CWH43: variants seen among roughly 807,000 people sequenced by gnomAD.
CWH43 encodes PGAP2-interacting protein.
CWH43 carries 91 observed loss-of-function variants against 85.7 expected under a neutral mutation model. The ratio of observed to expected loss-of-function variants is 1.06; its 90% CI spans 0.90 to 1.26. CWH43 has a LOEUF of 1.26. Among genes scored for constraint, CWH43 ranks in the 50% most tolerant of loss-of-function variants. CWH43 has a pLI of 0.00. For missense variants in CWH43, 869 were observed against 839.2 expected (o/e 1.04, Z -0.44); for synonymous variants, 323 against 293.6 (o/e 1.10, Z -1.02).
intron 8 of CWH43, among the ~76,000 whole-genome samples, chr4:49,007,972 T>C (rs955908385): frequency 1.6e-4 from 24 of 152,198 alleles, no homozygotes; most frequent in Admixed American, 5.2e-4. Flanking sequence ...TTTATAATCC[T>C]TTGGGTACAT....
chr4:49,058,930 T>A (rs2109852469), intron 15 of CWH43, among the ~76,000 whole-genome samples: 1 of 152,332 alleles, frequency 6.6e-6, no homozygotes, highest in South Asian at 2.1e-4. Flanking sequence ...TTGATTATAA[T>A]GTGTCTTGGT....
At chr4:49,033,939 G>T (rs1356808698) in intron 12 of CWH43, among the ~76,000 whole-genome samples, 2 of 152,134 alleles carry the variant, frequency 1.3e-5, no homozygotes, top group Non-Finnish European at 2.9e-5. Context: ...AAACAAATTG[G>T]TGTGTGTGCC....
chr4:49,026,851 G>T (rs1783931911), intron 9 of CWH43, among the ~76,000 whole-genome samples: 1 of 152,190 alleles, frequency 6.6e-6, no homozygotes, highest in African/African-American at 2.4e-5. Context: ...GTAAACATGT[G>T]TGTCCAAGTG....
chr4:49,023,794 C>A (rs1318861610), intron 9 of CWH43, among the ~76,000 whole-genome samples: 1 of 152,178 alleles, frequency 6.6e-6, no homozygotes, highest in Non-Finnish European at 1.5e-5. Context: ...GAGAATGGTG[C>A]ATGTGCTGAT....
rs71600797 is a variant in CWH43, at chr4:49,039,306, G to GATATATATATATATATATATATATATAT, written c.1803+1153_1803+1154insTATATATATATATATATATATATATATA. Among the ~76,000 whole-genome samples the GATATATATATATATATATATATATATAT allele has an allele frequency of 7.6e-3, 35 of 4,576 alleles. 3 individuals carry two copies. Among genetic ancestry groups the GATATATATATATATATATATATATATAT allele is most frequent in the South Asian group, 0.014 (2 of 146 alleles). The allele number at this position is 4,576 out of a possible 152,430, so 3.0% of individuals were successfully genotyped here. A position where few individuals can be genotyped will look rare whatever the true frequency, so the allele number is the denominator to read the frequency against. On this transcript the variant is annotated intron_variant, in intron 13 of 15. Coordinates refer to ENST00000226432, the MANE Select transcript of CWH43 (RefSeq NM_025087.3). ...ACACAAATCAAATTCTCAGGAGACT[G>GATATATATATATATATATATATATATAT]ATATATATATATATATATATATATA... is the stretch of plus-strand genomic sequence containing the variant.
intron 12 of CWH43, among the ~76,000 whole-genome samples, chr4:49,033,073 A>G (rs1162397794): frequency 6.6e-6 from 1 of 152,190 alleles, no homozygotes; most frequent in African/African-American, 2.4e-5. Flanking sequence ...CAGACAACCC[A>G]TCCAACCAGG....
intron 13 of CWH43, among the ~76,000 whole-genome samples, chr4:49,038,808 C>G (rs576764357): frequency 1.3e-5 from 2 of 152,212 alleles, no homozygotes; most frequent in Non-Finnish European, 2.9e-5. Flanking sequence ...CCTGTAATAA[C>G]AGCACTTTGG....
At chr4:49,038,701 T>A (rs1467693105) in intron 13 of CWH43, among the ~76,000 whole-genome samples, 2 of 152,162 alleles carry the variant, frequency 1.3e-5, no homozygotes, top group Non-Finnish European at 2.9e-5. Flanking sequence ...AAGATAAGAA[T>A]ACTAATGGAA....
chr4:49,018,557 T>A (rs1783635902), intron 9 of CWH43, among the ~76,000 whole-genome samples: 1 of 152,246 alleles, frequency 6.6e-6, no homozygotes, highest in East Asian at 1.9e-4. Flanking sequence ...TTCTTTCCTC[T>A]CTTGCTATCT....
chr4:49,013,329 G>A (rs1007157816), intron 8 of CWH43, among the ~76,000 whole-genome samples: 4 of 152,260 alleles, frequency 2.6e-5, no homozygotes, highest in Admixed American at 2.0e-4. Context: ...TGTTCTGCCG[G>A]TTGCTAAGAC....
intron 10 of CWH43, 70 bp from the exon 11 acceptor site, chr4:49,030,755 A>G (rs983745071): frequency 1.1e-5 from 15 of 1,415,064 alleles, no homozygotes; most frequent in Non-Finnish European, 1.4e-5. Context: ...GGTCAAGAGT[A>G]AAGTGTTGCT....
At chr4:49,012,552 A>G (rs1221305321) in intron 8 of CWH43, among the ~76,000 whole-genome samples, 1 of 151,976 alleles carries the variant, frequency 6.6e-6, no homozygotes, top group Non-Finnish European at 1.5e-5. Context: ...GAGAAGAGGC[A>G]CTCTGGTTTT....
chr4:49,032,531 C>G (rs763061843), intron 11 of CWH43, 35 bp from the exon 12 acceptor site: 1 of 1,611,596 alleles, frequency 6.2e-7, no homozygotes, highest in Admixed American at 1.7e-5. Flanking sequence ...ATGGGACTGA[C>G]AATGATGCCC....
Position 49,061,062 on chromosome 4 carries a change from C to T in CWH43, c.2022-750C>T, listed in dbSNP as rs760742666. 6.6e-5 allele frequency among the ~76,000 whole-genome samples: 10 copies of T among 152,134 alleles called. No individual in the cohort carries two copies. The East Asian group carries it at 7.7e-4, about 12-fold the overall frequency. ...ATGGATGCACCAACATTTAGCTAAT[C>T]GATTTTGTTATTTTTGCATATTTAT... On this transcript the variant is annotated intron_variant, in intron 15 of 15. Transcript: ENST00000226432.
At chr4:49,022,281 G>T (rs1054582510) in intron 9 of CWH43, among the ~76,000 whole-genome samples, 5 of 152,094 alleles carry the variant, frequency 3.3e-5, no homozygotes, top group Non-Finnish European at 7.4e-5. Context: ...ATTGTCAACT[G>T]CTTTTTCTGT....
At chr4:49,000,307 G>A (rs1284650134) in intron 6 of CWH43, among the ~76,000 whole-genome samples, 7 of 152,178 alleles carry the variant, frequency 4.6e-5, no homozygotes, top group African/African-American at 1.7e-4. Context: ...TGGCTAAATC[G>A]ATGAGGTTGG....
In CWH43 at chr4:49,019,196, A is replaced by G. The variant is rs559775770; in HGVS notation, c.1266+1868A>G. On this transcript the variant is annotated intron_variant, in intron 9 of 15. Transcript: ENST00000226432. The stretch of plus-strand genomic sequence containing the variant: ...GAGAATTATAGTATTTAGAGAACAA[A>G]TAAAGAAATGGTCTCCTTTTAGATC... Among the ~76,000 whole-genome samples the G allele has an allele frequency of 5.3e-5, 8 of 152,336 alleles. No homozygotes were observed. In the East Asian group the frequency reaches 1.5e-3, roughly 29 times the overall value.
chr4:49,025,216 A>G (rs1242742232), intron 9 of CWH43, among the ~76,000 whole-genome samples: 1 of 150,038 alleles, frequency 6.7e-6, no homozygotes, highest in East Asian at 1.9e-4. Context: ...TTTTTTATTT[A>G]TCCTACCTAT....
At chr4:49,016,574 A>C in intron 8 of CWH43, 1 of 706,242 alleles carries the variant, frequency 1.4e-6, no homozygotes, top group South Asian at 1.4e-5. Context: ...TACAGGGTGA[A>C]GATATAAACA....
Sources: allele counts gnomAD v4.1 joint callset (sites outside exome capture counted in the v4.1 genomes callset), GRCh38; gene constraint gnomAD v4.1.1; transcripts MANE v1.5; gene names NCBI Gene and HGNC (gene_info 2026-07-23, HGNC 2026-07-21).